RANBP2: variants seen among roughly 807,000 people sequenced by gnomAD.
The protein encoded by RANBP2 is RAN binding protein 2, also known as E3 SUMO-protein ligase RanBP2.
RANBP2 carries 57 observed loss-of-function variants against 303.6 expected under a neutral mutation model. The ratio of observed to expected loss-of-function variants is 0.19; its 90% CI spans 0.15 to 0.23. The LOEUF (loss-of-function observed/expected upper bound fraction) is 0.23, where lower values mean the gene tolerates loss of function less well. Ranked by LOEUF, RANBP2 falls within the 10% of genes least tolerant of loss-of-function variation. The pLI is 1.00. For missense variants in RANBP2, 3,138 were observed against 3,780.8 expected, an observed-to-expected ratio of 0.83 and a Z score of 4.46; for synonymous variants, 1,167 against 1,301.5, an observed-to-expected ratio of 0.90 and a Z score of 2.23.
the RANBP2 span, among the ~76,000 whole-genome samples, chr2:109,258,552 A>T: frequency 6.6e-6 from 1 of 152,018 alleles, no homozygotes; most frequent in Admixed American, 6.6e-5. Flanking sequence ...GGTGCCACCA[A>T]TCCTTGTCCT....
chr2:109,006,350 C>T, the RANBP2 span, among the ~76,000 whole-genome samples: 199 of 152,118 alleles, frequency 1.3e-3, no homozygotes, highest in African/African-American at 4.6e-3. Context: ...CTTGCCAACA[C>T]GCTTGGCTAA....
At chr2:109,030,745 TTTGTTG>T in the RANBP2 span, among the ~76,000 whole-genome samples, 15 of 152,062 alleles carry the variant, frequency 9.9e-5, no homozygotes, top group African/African-American at 2.2e-4. Flanking sequence ...CTTGACAGTT[TTTGTTG>T]TTGTTGTTGT....
the RANBP2 span, among the ~76,000 whole-genome samples, chr2:109,703,391 A>C: frequency 6.6e-6 from 1 of 152,208 alleles, no homozygotes; most frequent in African/African-American, 2.4e-5. Context: ...TCACTCAGAC[A>C]CTGCATAAAT....
chr2:109,620,303 T>C, the RANBP2 span, among the ~76,000 whole-genome samples: 6 of 152,338 alleles, frequency 3.9e-5, 1 homozygote, highest in African/African-American at 1.4e-4. Flanking sequence ...CATCTGCAGC[T>C]CAGCCAAAAG....
the RANBP2 span, among the ~76,000 whole-genome samples, chr2:109,390,271 A>G: frequency 6.6e-6 from 1 of 152,168 alleles, no homozygotes; most frequent in Non-Finnish European, 1.5e-5. Context: ...TTTTAGGTTC[A>G]TCTTCAGGTA....
chr2:109,571,254 CAGAT>C, the RANBP2 span, among the ~76,000 whole-genome samples: 1 of 152,190 alleles, frequency 6.6e-6, no homozygotes, highest in African/African-American at 2.4e-5. Flanking sequence ...TACCCAGTCT[CAGAT>C]AGTTCTTTAT....
chr2:108,800,791 C>T, the RANBP2 span, among the ~76,000 whole-genome samples: 1 of 112,686 alleles, frequency 8.9e-6, no homozygotes. Context: ...CCCCACCCCA[C>T]CACAGTCCCC....
At chr2:109,478,372 C>G in the RANBP2 span, among the ~76,000 whole-genome samples, 1 of 152,202 alleles carries the variant, frequency 6.6e-6, no homozygotes, top group South Asian at 2.1e-4. Flanking sequence ...TTCCCAGTTA[C>G]GTCTTTAAAT....
At chr2:109,504,842 G>A in the RANBP2 span, among the ~76,000 whole-genome samples, 1 of 152,208 alleles carries the variant, frequency 6.6e-6, no homozygotes, top group Admixed American at 6.5e-5. Flanking sequence ...GACATCAAAT[G>A]TCTGTACCCA....
the RANBP2 span, among the ~76,000 whole-genome samples, chr2:109,193,939 G>A: frequency 1.3e-5 from 2 of 152,204 alleles, no homozygotes; most frequent in African/African-American, 4.8e-5. Flanking sequence ...GAAAAAGTGA[G>A]GTCAGTTGGA....
chr2:109,031,344 C>G, the RANBP2 span, among the ~76,000 whole-genome samples: 1 of 152,142 alleles, frequency 6.6e-6, no homozygotes, highest in African/African-American at 2.4e-5. Flanking sequence ...GACGGGAACG[C>G]TCTGCAGAAG....
the RANBP2 span, among the ~76,000 whole-genome samples, chr2:109,029,736 G>GCC: frequency 6.6e-6 from 1 of 152,062 alleles, no homozygotes; most frequent in Non-Finnish European, 1.5e-5. Flanking sequence ...GCAGGACAGG[G>GCC]CCCCCCGGCA....
the RANBP2 span, among the ~76,000 whole-genome samples, chr2:109,011,053 G>GAACCAT: frequency 6.6e-6 from 1 of 152,336 alleles, no homozygotes; most frequent in East Asian, 1.9e-4. Flanking sequence ...CATTAAGGGA[G>GAACCAT]GAAGTTCTGG....
chr2:109,693,432 T>C, the RANBP2 span, among the ~76,000 whole-genome samples: 1 of 152,188 alleles, frequency 6.6e-6, no homozygotes, highest in Non-Finnish European at 1.5e-5. Flanking sequence ...GTGCTGGTAT[T>C]ACAGGTGTGA....
At chr2:109,364,616 G>A in the RANBP2 span, among the ~76,000 whole-genome samples, 4 of 152,156 alleles carry the variant, frequency 2.6e-5, no homozygotes, top group African/African-American at 4.8e-5. Context: ...GGGGCCATGC[G>A]GCCACAAATG....
At chr2:109,694,284 G>A in the RANBP2 span, among the ~76,000 whole-genome samples, 148,493 of 152,270 alleles carry the variant, frequency 0.98, 72,534 homozygotes, top group Middle Eastern at 1. Flanking sequence ...TGCTCTGGCA[G>A]TGTGACAGGT....
chr2:109,197,322 C>T, the RANBP2 span, among the ~76,000 whole-genome samples: 1 of 152,098 alleles, frequency 6.6e-6, no homozygotes, highest in Non-Finnish European at 1.5e-5. Context: ...TTCTGCCTGA[C>T]ACAGGAGGGG....
the RANBP2 span, among the ~76,000 whole-genome samples, chr2:109,453,359 A>T: frequency 6.6e-6 from 1 of 152,238 alleles, no homozygotes. Flanking sequence ...TTCAGGATTT[A>T]AGTTATCCTT....
At chr2:109,633,991 G>A in the RANBP2 span, among the ~76,000 whole-genome samples, 26 of 151,332 alleles carry the variant, frequency 1.7e-4, no homozygotes, top group African/African-American at 6.3e-4. Context: ...GTGGTGGCGG[G>A]CACCTGTAGT....
Sources: allele counts gnomAD v4.1 joint callset (sites outside exome capture counted in the v4.1 genomes callset), GRCh38; gene constraint gnomAD v4.1.1; transcripts MANE v1.5; gene names NCBI Gene and HGNC (gene_info 2026-07-23, HGNC 2026-07-21).